Variants in ASTN1 observed in about 807,000 individuals in gnomAD.
The protein encoded by ASTN1 is astrotactin-1.
In ASTN1, 41 loss-of-function variants were observed where a neutral mutation model predicts 140.7. The ratio of observed to expected loss-of-function variants is 0.29; its 90% CI spans 0.23 to 0.38. The LOEUF (loss-of-function observed/expected upper bound fraction) is 0.38, where lower values mean the gene tolerates loss of function less well. ASTN1 is among the 10% of genes least tolerant of loss of function. The pLI, the probability that ASTN1 is intolerant of heterozygous loss-of-function variation, is 1.00. For missense variants in ASTN1, 1,479 were observed against 1,678.8 expected, an observed-to-expected ratio of 0.88 and a Z score of 2.08; for synonymous variants, 640 against 652.2, an observed-to-expected ratio of 0.98 and a Z score of 0.29.
At chr1:176,896,786 C>T (rs1367444543) in intron 16 of ASTN1, among the ~76,000 whole-genome samples, 2 of 152,122 alleles carry the variant, frequency 1.3e-5, no homozygotes, top group East Asian at 3.9e-4. Context: ...TCCTTACAAC[C>T]AGTGCCTCCA....
intron 8 of ASTN1, among the ~76,000 whole-genome samples, chr1:177,008,287 G>T (rs1675094645): frequency 6.6e-6 from 1 of 152,118 alleles, no homozygotes; most frequent in Non-Finnish European, 1.5e-5. Flanking sequence ...AATTCCAAGA[G>T]CCCCTTTGGT....
chr1:177,113,287 C>A (rs1192237854), intron 1 of ASTN1, among the ~76,000 whole-genome samples: 1 of 152,214 alleles, frequency 6.6e-6, no homozygotes, highest in African/African-American at 2.4e-5. Flanking sequence ...AAAGAGCCCA[C>A]TGTCCCCCCA....
chr1:177,066,028 A>G (rs1678335989), intron 1 of ASTN1, among the ~76,000 whole-genome samples: 1 of 152,216 alleles, frequency 6.6e-6, no homozygotes, highest in African/African-American at 2.4e-5. Flanking sequence ...GTGTCGATGA[A>G]CTTGAAAATT....
At chr1:177,069,386 C>T (rs1387369036) in intron 1 of ASTN1, among the ~76,000 whole-genome samples, 2 of 151,966 alleles carry the variant, frequency 1.3e-5, no homozygotes, top group African/African-American at 4.8e-5. Context: ...TCTCCTTTGC[C>T]GAAAGGCTAG....
chr1:176,996,945 CAG>C (rs1172094807), intron 8 of ASTN1, among the ~76,000 whole-genome samples: 1 of 152,122 alleles, frequency 6.6e-6, no homozygotes, highest in African/African-American at 2.4e-5. Context: ...TTGATGCAGA[CAG>C]AGAAAACGAG....
rs748782841 is a variant in ASTN1, at chr1:176,945,901, T to C, written c.2249+25A>G. 2.5e-5 allele frequency: 39 copies of C among 1,563,864 alleles called. No homozygotes were observed. In the Admixed American group the frequency reaches 4.3e-4, roughly 17 times the overall value. On this transcript the variant is annotated intron_variant, in intron 13 of 22. Transcript: ENST00000361833. Reference sequence around the variant, plus strand: ...AAAGTCCACCAACAGTCTTGAACAATCAGTTCTATGTATATGAGGTTTACC... The same window carrying C: ...AAAGTCCACCAACAGTCTTGAACAACCAGTTCTATGTATATGAGGTTTACC...
intron 2 of ASTN1, among the ~76,000 whole-genome samples, chr1:177,035,332 A>G (rs75051006): frequency 1.3e-5 from 2 of 152,342 alleles, no homozygotes; most frequent in East Asian, 3.9e-4. Context: ...CTTGCACAAC[A>G]TAAGAGGACA....
At chr1:177,087,595 A>G (rs1277515987) in intron 1 of ASTN1, among the ~76,000 whole-genome samples, 8 of 152,180 alleles carry the variant, frequency 5.3e-5, no homozygotes. Flanking sequence ...TAGGTTTACA[A>G]GAAATACTAG....
At chr1:177,051,411 T>C (rs1558059897) in intron 2 of ASTN1, among the ~76,000 whole-genome samples, 2 of 152,358 alleles carry the variant, frequency 1.3e-5, no homozygotes, top group East Asian at 3.9e-4. Flanking sequence ...CATTCAGTTA[T>C]ATACTGTGCA....
At chr1:176,890,770 A>AT (rs1232400123) in intron 17 of ASTN1, among the ~76,000 whole-genome samples, 1 of 152,234 alleles carries the variant, frequency 6.6e-6, no homozygotes, top group Non-Finnish European at 1.5e-5. Flanking sequence ...TCATGCCTGT[A>AT]ATCCCAGCAC....
At chr1:177,112,762 C>T (rs1163083210) in intron 1 of ASTN1, among the ~76,000 whole-genome samples, 1 of 152,188 alleles carries the variant, frequency 6.6e-6, no homozygotes, top group African/African-American at 2.4e-5. Flanking sequence ...TTATCTGTGC[C>T]TTTCACACAG....
At chr1:177,159,454 T>G (rs1647228904) in intron 1 of ASTN1, among the ~76,000 whole-genome samples, 1 of 152,146 alleles carries the variant, frequency 6.6e-6, no homozygotes, top group Non-Finnish European at 1.5e-5. Context: ...TCCCCTCAAA[T>G]GGGAAGATGG....
intron 2 of ASTN1, among the ~76,000 whole-genome samples, chr1:177,054,834 A>C (rs1677718556): frequency 6.6e-6 from 1 of 152,204 alleles, no homozygotes; most frequent in Admixed American, 6.5e-5. Context: ...CTAGACAAAG[A>C]AGCTAATTCA....
chr1:177,029,878 G>A (rs1676337171), intron 4 of ASTN1, 137 bp from the exon 5 acceptor site: 2 of 801,292 alleles, frequency 2.5e-6, no homozygotes, highest in Non-Finnish European at 2.0e-6. Context: ...TAGCCAAGGG[G>A]GTTGGGGCTT....
At chr1:176,970,531 C>T (rs1011125013) in intron 8 of ASTN1, among the ~76,000 whole-genome samples, 5 of 151,808 alleles carry the variant, frequency 3.3e-5, no homozygotes, top group East Asian at 3.9e-4. Flanking sequence ...ACTTGCCATC[C>T]AGGGAAAGGG....
chr1:176,930,259 C>G (rs1671149327), intron 16 of ASTN1, among the ~76,000 whole-genome samples: 1 of 152,100 alleles, frequency 6.6e-6, no homozygotes, highest in Non-Finnish European at 1.5e-5. Context: ...ATGGAGTTCA[C>G]AAATCTACCA....
chr1:177,080,228 C>G (rs1316877197), intron 1 of ASTN1, among the ~76,000 whole-genome samples: 1 of 146,308 alleles, frequency 6.8e-6, no homozygotes. Flanking sequence ...CTCTTCATTC[C>G]TCCATTTTTT....
intron 2 of ASTN1, among the ~76,000 whole-genome samples, chr1:177,047,163 T>G (rs545136347): frequency 3.2e-4 from 49 of 152,308 alleles, no homozygotes; most frequent in South Asian, 8.3e-4. Context: ...AGGAATTGCA[T>G]GAAACTTCTT....
intron 2 of ASTN1, among the ~76,000 whole-genome samples, chr1:177,039,990 T>A (rs1308815540): frequency 1.3e-5 from 2 of 152,204 alleles, no homozygotes; most frequent in Non-Finnish European, 2.9e-5. Flanking sequence ...TGAGTGGATG[T>A]CATGAAAATT....
Sources: gnomAD v4.1 joint callset for allele counts (sites outside exome capture counted in the v4.1 genomes callset) on GRCh38, gnomAD v4.1.1 for gene constraint, MANE v1.5 for transcripts, NCBI Gene and HGNC (gene_info 2026-07-23, HGNC 2026-07-21) for gene names.